The following CPA6 variants were observed in gnomAD, a reference collection of about 807,000 sequenced individuals.
CPA6 encodes the protein carboxypeptidase B.
CPA6 carries 58 observed loss-of-function variants against 63.3 expected under a neutral mutation model. The ratio of observed to expected loss-of-function variants is 0.92; its 90% CI spans 0.74 to 1.14. CPA6 has a LOEUF of 1.14. CPA6 is among the 50% of genes most tolerant of loss of function. The probability of loss-of-function intolerance (pLI) is 0.00; values close to 1 mark genes in which losing one functional copy is unlikely to be tolerated. For missense variants in CPA6, 565 were observed against 526.6 expected (o/e 1.07, Z -0.71); for synonymous variants, 185 against 179.0 (o/e 1.03, Z -0.27).
chr8:67,573,691 G>T (rs1043700005), intron 2 of CPA6, among the ~76,000 whole-genome samples: 2 of 151,826 alleles, frequency 1.3e-5, no homozygotes, highest in Admixed American at 1.3e-4. Context: ...AGGAGATTGA[G>T]ACCATCCTGG....
At chr8:67,646,018 C>CAGGTCTCTGGAAATTCA (rs1490014394) in intron 1 of CPA6, among the ~76,000 whole-genome samples, 8 of 152,290 alleles carry the variant, frequency 5.3e-5, no homozygotes, top group African/African-American at 1.9e-4. Flanking sequence ...AGTTCTCTCT[C>CAGGTCTCTGGAAATTCA]CTGACCAAAA....
intron 2 of CPA6, among the ~76,000 whole-genome samples, chr8:67,573,834 G>C (rs547018735): frequency 1.8e-4 from 24 of 132,214 alleles, no homozygotes; most frequent in African/African-American, 6.4e-4. Context: ...AGAGCTTGCA[G>C]TGAGCCGAGA....
chr8:67,447,047 T>TAC (rs34144510), intron 8 of CPA6, among the ~76,000 whole-genome samples: 1 of 149,512 alleles, frequency 6.7e-6, no homozygotes, highest in South Asian at 2.1e-4. Flanking sequence ...CATATATATA[T>TAC]ACACACACAT....
chr8:67,723,786 A>G (rs528434289), intron 1 of CPA6, among the ~76,000 whole-genome samples: 1 of 152,372 alleles, frequency 6.6e-6, no homozygotes, highest in South Asian at 2.1e-4. Context: ...AAATGTAAAA[A>G]AGAAAAATTA....
intron 8 of CPA6, among the ~76,000 whole-genome samples, chr8:67,439,589 CAA>C (rs199857229): frequency 2.5e-5 from 3 of 118,646 alleles, no homozygotes; most frequent in Non-Finnish European, 3.7e-5. Context: ...GACTCGGTCT[CAA>C]AAAAAAAAAA....
At chr8:67,701,057 G>A (rs770522570) in intron 1 of CPA6, among the ~76,000 whole-genome samples, 2 of 152,088 alleles carry the variant, frequency 1.3e-5, no homozygotes, top group Non-Finnish European at 2.9e-5. Context: ...TCACTTAGGG[G>A]CAAAGTACAT....
At chr8:67,638,125 G>T (rs1235664242) in intron 1 of CPA6, among the ~76,000 whole-genome samples, 2 of 151,204 alleles carry the variant, frequency 1.3e-5, no homozygotes. Flanking sequence ...TGGGGCCAGT[G>T]GTTATCCTGA....
At chr8:67,475,871 C>CT (rs1158508740) in intron 8 of CPA6, among the ~76,000 whole-genome samples, 1 of 79,916 alleles carries the variant, frequency 1.3e-5, no homozygotes, top group African/African-American at 5.3e-5. Flanking sequence ...TTCTTTCTTT[C>CT]TTTCTTTCTC....
At chr8:67,480,075 G>A (rs911846105) in intron 8 of CPA6, among the ~76,000 whole-genome samples, 8 of 151,976 alleles carry the variant, frequency 5.3e-5, no homozygotes, top group Non-Finnish European at 1.0e-4. Flanking sequence ...AGTTTTCTCC[G>A]TGTTATATCT....
At chr8:67,517,078 G>A (rs2128966654) in intron 3 of CPA6, among the ~76,000 whole-genome samples, 1 of 151,914 alleles carries the variant, frequency 6.6e-6, no homozygotes, top group South Asian at 2.1e-4. Context: ...TTCCAGGCGT[G>A]AGCCACCGCA....
chr8:67,442,538 AC>A, intron 8 of CPA6, among the ~76,000 whole-genome samples: 1 of 152,340 alleles, frequency 6.6e-6, no homozygotes, highest in Middle Eastern at 3.4e-3. Context: ...GATAGTAAGA[AC>A]AATATCAACA....
intron 2 of CPA6, among the ~76,000 whole-genome samples, chr8:67,533,282 G>A (rs1812516714): frequency 6.6e-6 from 1 of 152,154 alleles, no homozygotes; most frequent in Non-Finnish European, 1.5e-5. Flanking sequence ...GTAGAATGAG[G>A]ATGATTGCAC....
At chr8:67,670,263 C>T (rs996103442) in intron 1 of CPA6, among the ~76,000 whole-genome samples, 4 of 152,138 alleles carry the variant, frequency 2.6e-5, no homozygotes, top group African/African-American at 9.7e-5. Context: ...AGGATACTTT[C>T]CATCATGGAG....
In CPA6 at chr8:67,693,629, G is replaced by A. The variant is rs562568713; in HGVS notation, c.116+52385C>T. ...TAGTGCCCTAATGAAAGAGGCCCTG[G>A]AGAGCTCCCTCACTTCTGCCATGTG... is the stretch of plus-strand genomic sequence containing the variant. On this transcript the variant is annotated intron_variant, in intron 1 of 10. Coordinates refer to ENST00000297770, the MANE Select transcript of CPA6 (RefSeq NM_020361.5). 1.2e-4 allele frequency among the ~76,000 whole-genome samples: 18 copies of A among 152,332 alleles called. No individual in the cohort carries two copies. In the South Asian group the frequency reaches 3.3e-3, roughly 28 times the overall value.
At chr8:67,626,807 G>C (rs1032705935) in intron 1 of CPA6, among the ~76,000 whole-genome samples, 4 of 151,718 alleles carry the variant, frequency 2.6e-5, no homozygotes, top group African/African-American at 9.7e-5. Context: ...CTGGGGCCTT[G>C]TCAGCTCCTC....
intron 8 of CPA6, 110 bp downstream of exon 8, chr8:67,483,658 T>C: frequency 2.3e-6 from 2 of 877,690 alleles, no homozygotes; most frequent in Non-Finnish European, 2.0e-6. Context: ...TACCAGGTTT[T>C]CACATACAGA....
chr8:67,524,461 C>T (rs1812321086), intron 2 of CPA6, among the ~76,000 whole-genome samples: 1 of 152,162 alleles, frequency 6.6e-6, no homozygotes, highest in South Asian at 2.1e-4. Context: ...CTGTTTCTAG[C>T]TTCTGGTGGC....
intron 2 of CPA6, among the ~76,000 whole-genome samples, chr8:67,544,226 T>C (rs1486080661): frequency 6.6e-6 from 1 of 152,140 alleles, no homozygotes; most frequent in African/African-American, 2.4e-5. Flanking sequence ...AGGTTTGAGA[T>C]AAATCCAGGA....
chr8:67,440,994 T>C (rs1810282793), intron 8 of CPA6, among the ~76,000 whole-genome samples: 1 of 152,186 alleles, frequency 6.6e-6, no homozygotes, highest in Admixed American at 6.5e-5. Context: ...AATAACCTTT[T>C]TCCAAATAAG....
Sources: gnomAD v4.1 joint callset for allele counts (sites outside exome capture counted in the v4.1 genomes callset) on GRCh38, gnomAD v4.1.1 for gene constraint, MANE v1.5 for transcripts, NCBI Gene and HGNC (gene_info 2026-07-23, HGNC 2026-07-21) for gene names.